The following SKP2 variants were observed in gnomAD, a reference collection of about 807,000 sequenced individuals.
The protein encoded by SKP2 is S-phase kinase-associated protein 2.
A neutral mutation model predicts 51.8 loss-of-function variants in SKP2; 16 were observed. That is an observed-to-expected ratio of 0.31 (90% CI 0.21 to 0.47). The LOEUF is 0.47. SKP2 is among the 20% of genes least tolerant of loss of function. SKP2 has a pLI of 1.00. For synonymous variants in SKP2, 176 were observed against 198.6 expected (o/e 0.89, Z 0.96); for missense variants, 377 against 505.3 (o/e 0.75, Z 2.43).
At chr5:36,189,889 CTTTG>C (rs924613431) in intron 6 of SKP2, among the ~76,000 whole-genome samples, 4 of 151,950 alleles carry the variant, frequency 2.6e-5, no homozygotes. Flanking sequence ...TTCCTGGCTG[CTTTG>C]TTTACCTACC....
At chr5:36,190,769 T>C (rs1459889400) in intron 6 of SKP2, among the ~76,000 whole-genome samples, 2 of 148,056 alleles carry the variant, frequency 1.4e-5, no homozygotes, top group African/African-American at 5.0e-5. Flanking sequence ...TCTCACTGAA[T>C]CCATGATCTC....
At chr5:36,162,754 C>T (rs1321136596) in intron 2 of SKP2, among the ~76,000 whole-genome samples, 1 of 152,148 alleles carries the variant, frequency 6.6e-6, no homozygotes, top group East Asian at 1.9e-4. Flanking sequence ...AGTCTGTTCT[C>T]ATGTTGTTAA....
At position 36,183,170 on chromosome 5, in the gene SKP2, A is replaced by G; in HGVS notation, c.*1139A>G. The G allele has an allele frequency of 1.0e-6, 1 of 974,630 alleles. No individual in the cohort carries two copies. Among genetic ancestry groups the G allele is most frequent in the Non-Finnish European group, 1.2e-6 (1 of 819,956 alleles). The allele number at this position is 974,630 out of a possible 1,614,324, so 60.4% of individuals were successfully genotyped here. A position where few individuals can be genotyped will look rare whatever the true frequency, so the allele number is the denominator to read the frequency against. On this transcript the variant is annotated 3_prime_UTR_variant, in exon 10 of 10. Transcript: ENST00000274255. Reference sequence around the variant, plus strand: ...AGTAAGCACTACTTATACCTACATAAGAGTTAAAATCCAGATGTGGGACCT... The same window carrying G: ...AGTAAGCACTACTTATACCTACATAGGAGTTAAAATCCAGATGTGGGACCT...
intron 9 of SKP2, chr5:36,180,256 A>C (rs1290043301): frequency 7.4e-7 from 1 of 1,347,624 alleles, no homozygotes. Context: ...GTTTCACATG[A>C]GGGATTCAAA....
At position 36,171,604 on chromosome 5, in the gene SKP2, C is replaced by T; in HGVS notation, c.772C>T (p.Leu258=). The T allele has an allele frequency of 6.2e-7, 1 of 1,613,484 alleles. No individual in the cohort carries two copies. Among genetic ancestry groups the T allele is most frequent in the African/African-American group, 1.3e-5 (1 of 75,014 alleles). Residue 258 remains leucine, a splice_region_variant and synonymous_variant, in exon 7 of 10, where the codon CTG becomes TTG. Coordinates refer to ENST00000274255, the MANE Select transcript of SKP2 (RefSeq NM_005983.4). The part of the protein sequence containing the change: ...LQTLLSSCSR[L]DELNLSWCFD... ...GTTTATTACCCCTCTTTTGTGCAGA[C>T]TGGATGAGCTGAACCTCTCCTGGTG...
intron 9 of SKP2, among the ~76,000 whole-genome samples, chr5:36,181,497 C>A (rs1745809714): frequency 6.6e-6 from 1 of 152,162 alleles, no homozygotes; most frequent in African/African-American, 2.4e-5. Context: ...AACACAGTAA[C>A]CCCATTCAGA....
At chr5:36,158,051 G>T (rs528380310) in intron 2 of SKP2, among the ~76,000 whole-genome samples, 1 of 152,216 alleles carries the variant, frequency 6.6e-6, no homozygotes, top group Non-Finnish European at 1.5e-5. Context: ...GAGGGTGATT[G>T]TAGTAGGTTT....
intron 7 of SKP2, among the ~76,000 whole-genome samples, chr5:36,173,945 C>T (rs1745552773): frequency 1.3e-5 from 2 of 152,062 alleles, no homozygotes; most frequent in Non-Finnish European, 2.9e-5. Flanking sequence ...TTGCCTGTTC[C>T]TTAGTTTTCT....
chr5:36,189,829 A>T (rs1745989215), intron 6 of SKP2, among the ~76,000 whole-genome samples: 1 of 152,160 alleles, frequency 6.6e-6, no homozygotes, highest in Admixed American at 6.5e-5. Context: ...TGGAGTCTAC[A>T]GAGGCAGGCA....
Position 36,182,664 on chromosome 5 carries a change from A to T in SKP2, c.*633A>T, listed in dbSNP as rs1409264094. The T allele has an allele frequency of 6.1e-6, 6 of 977,032 alleles. No homozygotes were observed. Among genetic ancestry groups the T allele is most frequent in the Non-Finnish European group, 7.3e-6 (6 of 822,282 alleles). The allele number at this position is 977,032 out of a possible 1,614,324, so 60.5% of individuals were successfully genotyped here. A position where few individuals can be genotyped will look rare whatever the true frequency, so the allele number is the denominator to read the frequency against. On this transcript the variant is annotated 3_prime_UTR_variant, in exon 10 of 10. Transcript: ENST00000274255. ...AACATTACAAAACCCAGAGATATAG[A>T]ATCAATATAGGATTTGAAGGCCCAG...
intron 3 of SKP2, 109 bp from the exon 4 acceptor site, chr5:36,166,410 A>T (rs1045473357): frequency 2.3e-5 from 20 of 869,500 alleles, no homozygotes; most frequent in Non-Finnish European, 3.4e-5. Flanking sequence ...CTTTTAGAAT[A>T]TGCTTCAAGG....
rs753930682 is a variant in SKP2 at position 36,183,019 on chromosome 5, G to A, written c.*988G>A. On this transcript the variant is annotated 3_prime_UTR_variant, in exon 10 of 10. Transcript: ENST00000274255. ...TATTTTTTTTTTAAATGATCTCTCA[G>A]CAATAATTGTTTGAAACTATCCATA... is the stretch of plus-strand genomic sequence containing the variant. 6.1e-5 allele frequency: 58 copies of A among 952,066 alleles called. No homozygotes were observed. Among genetic ancestry groups the A allele is most frequent in the Non-Finnish European group, 6.9e-5 (55 of 800,098 alleles). The allele number at this position is 952,066 out of a possible 1,614,324, so 59.0% of individuals were successfully genotyped here.
downstream of SKP2, among the ~76,000 whole-genome samples, chr5:36,187,964 GA>G (rs1745971945): frequency 6.6e-6 from 1 of 152,054 alleles, no homozygotes; most frequent in South Asian, 2.1e-4. Flanking sequence ...TCTTCTTGTT[GA>G]ATTGATCCCT....
chr5:36,152,673 G>T, intron 1 of SKP2, 98 bp from the exon 2 acceptor site: 1 of 1,306,156 alleles, frequency 7.7e-7, no homozygotes, highest in South Asian at 1.4e-5. Flanking sequence ...TGCTGTGAAG[G>T]TTTCCTACAA....
At position 36,182,460 on chromosome 5, in the gene SKP2, TA is replaced by T. The variant is rs1291818525; in HGVS notation, c.*431del. The T allele has an allele frequency of 6.7e-5, 66 of 990,228 alleles. No homozygotes were observed. The highest frequency in any genetic ancestry group is 7.8e-5 in the Non-Finnish European group (65 of 832,416). 61.3% of individuals were successfully genotyped at this position (990,228 alleles called of 1,614,324 possible). ...TTTATAAGACAGCTTAGAAGAACAATAAGCTATTTGTATTATGAGCTGAACA... is the reference window on the plus strand; with the variant it reads ...TTTATAAGACAGCTTAGAAGAACAATAGCTATTTGTATTATGAGCTGAACA... On this transcript the variant is annotated 3_prime_UTR_variant, in exon 10 of 10. Coordinates refer to ENST00000274255, the MANE Select transcript of SKP2 (RefSeq NM_005983.4).
chr5:36,185,193 C>T (rs1477369820), downstream of SKP2, among the ~76,000 whole-genome samples: 1 of 152,130 alleles, frequency 6.6e-6, no homozygotes, highest in Admixed American at 6.6e-5. Context: ...CAAAAATTTT[C>T]TCCCATAGTG....
chr5:36,181,946 C>T lies in SKP2; in HGVS notation c.1190C>T (p.Ala397Val). Residue 397 changes from alanine (A) to valine (V), a missense_variant, in exon 10 of 10, where the codon GCC (alanine) becomes GTC (valine). By Grantham distance (64) the Ala-to-Val change is moderately conservative (BLOSUM62 0). Around this residue, in one of 2 missense-constraint regions of SKP2, gnomAD observed 262 missense variants for 389.8 expected, o/e 0.67. Transcript: ENST00000274255. ...AATTGCTCCCATTTCACCACCATTG[C>T]CAGGCCAACTATTGGCAACAAAAAG... ...QINCSHFTTI[A>V]RPTIGNKKNQ... is the part of the protein sequence containing the mutation. 1 of 1,614,108 alleles carries T rather than the reference C, an allele frequency of 6.2e-7. No individual in the cohort carries two copies. Among genetic ancestry groups the T allele is most frequent in the Non-Finnish European group, 8.5e-7 (1 of 1,179,980 alleles).
In SKP2 at chr5:36,179,914, A is replaced by AT. The variant is rs3840163; in HGVS notation, c.1062-1891dup. ...TGTAGGTAATGCACATACCGGGGGC[A>AT]TTTTTTTTTTTTTGTCTCCTTAAAA... On this transcript the variant is annotated intron_variant, in intron 9 of 9. Coordinates refer to ENST00000274255, the MANE Select transcript of SKP2 (RefSeq NM_005983.4). 7.1e-3 allele frequency among the ~76,000 whole-genome samples: 1,020 copies of AT among 142,992 alleles called. 5 individuals are homozygous for AT. Among genetic ancestry groups the AT allele is most frequent in the African/African-American group, 0.02 (773 of 39,174 alleles). The allele number at this position is 142,992 out of a possible 152,430, so 93.8% of individuals were successfully genotyped here. A position where few individuals can be genotyped will look rare whatever the true frequency, so the allele number is the denominator to read the frequency against.
Position 36,183,868 on chromosome 5 carries a change from C to T in SKP2, c.*1837C>T, listed in dbSNP as rs772090446. On this transcript the variant is annotated 3_prime_UTR_variant, in exon 10 of 10. Coordinates refer to ENST00000274255, the MANE Select transcript of SKP2 (RefSeq NM_005983.4). ...AGTGACAAGAGCTGGGGTTAGGATC[C>T]GGTTGGACTCTGACATCGGATGCCC... The T allele has an allele frequency of 3.7e-6, 6 of 1,607,598 alleles. No individual in the cohort carries two copies. Among genetic ancestry groups the T allele is most frequent in the East Asian group, 4.5e-5 (2 of 44,706 alleles).
Sources: allele counts gnomAD v4.1 joint callset (sites outside exome capture counted in the v4.1 genomes callset), GRCh38; gene constraint gnomAD v4.1.1; regional missense constraint gnomAD v4.1.1; transcripts MANE v1.5; gene names NCBI Gene and HGNC (gene_info 2026-07-23, HGNC 2026-07-21).